The following SUCLG2 variants were observed in gnomAD, a reference collection of about 807,000 sequenced individuals.
SUCLG2 encodes succinate--CoA ligase [GDP-forming] subunit beta, mitochondrial.
In SUCLG2, 42 loss-of-function variants were observed where a neutral mutation model predicts 47.9. That is an observed-to-expected ratio of 0.88 (90% CI 0.69 to 1.14). The LOEUF (loss-of-function observed/expected upper bound fraction) is 1.14. SUCLG2 is among the 50% of genes most tolerant of loss of function. The pLI is 0.00. For missense variants in SUCLG2, 571 were observed against 525.9 expected, an observed-to-expected ratio of 1.09 and a Z score of -0.84; for synonymous variants, 195 against 197.3, an observed-to-expected ratio of 0.99 and a Z score of 0.10.
chr3:67,399,690 A>G (rs1321398181), intron 10 of SUCLG2, among the ~76,000 whole-genome samples: 1 of 152,240 alleles, frequency 6.6e-6, no homozygotes, highest in Non-Finnish European at 1.5e-5. Flanking sequence ...TTTCTGGATC[A>G]TCAGTGAATG....
At chr3:67,420,926 T>C (rs1190500608) in intron 9 of SUCLG2, among the ~76,000 whole-genome samples, 1 of 152,196 alleles carries the variant, frequency 6.6e-6, no homozygotes, top group Non-Finnish European at 1.5e-5. Flanking sequence ...CAGGCACATA[T>C]GGGTTTTTCA....
At chr3:67,576,373 G>A (rs1707741967) in intron 2 of SUCLG2, among the ~76,000 whole-genome samples, 1 of 151,980 alleles carries the variant, frequency 6.6e-6, no homozygotes, top group African/African-American at 2.4e-5. Flanking sequence ...ATTTCATGTG[G>A]GCCAGTAAAC....
chr3:67,546,763 T>C (rs893496881), intron 2 of SUCLG2, among the ~76,000 whole-genome samples: 11 of 149,894 alleles, frequency 7.3e-5, no homozygotes, highest in Admixed American at 5.3e-4. Context: ...TAGCTGAGCA[T>C]GGTGGCAGGT....
chr3:67,591,606 C>CAA (rs1386798339), intron 2 of SUCLG2, among the ~76,000 whole-genome samples: 1 of 152,104 alleles, frequency 6.6e-6, no homozygotes. Flanking sequence ...TCTCTTGCTG[C>CAA]CACCATGTAA....
At chr3:67,504,756 G>A (rs1705592625) in intron 7 of SUCLG2, among the ~76,000 whole-genome samples, 1 of 152,186 alleles carries the variant, frequency 6.6e-6, no homozygotes, top group Non-Finnish European at 1.5e-5. Context: ...AGAAAAAGGA[G>A]TCTGTGTACA....
intron 9 of SUCLG2, among the ~76,000 whole-genome samples, chr3:67,406,036 T>A (rs1702798303): frequency 1.3e-5 from 2 of 152,252 alleles, no homozygotes; most frequent in South Asian, 4.1e-4. Context: ...TGGCTTAGTC[T>A]CTTTGTGTTC....
intron 10 of SUCLG2, among the ~76,000 whole-genome samples, chr3:67,395,021 A>G (rs920669272): frequency 1.3e-4 from 20 of 152,192 alleles, no homozygotes; most frequent in African/African-American, 2.7e-4. Context: ...TCCTGAAGGA[A>G]GCACTAAACA....
At chr3:67,424,740 C>A (rs1340840690) in intron 9 of SUCLG2, among the ~76,000 whole-genome samples, 1 of 152,148 alleles carries the variant, frequency 6.6e-6, no homozygotes, top group African/African-American at 2.4e-5. Flanking sequence ...CACCACCATT[C>A]TCACTACTGC....
chr3:67,418,609 G>C (rs889538612), intron 9 of SUCLG2, among the ~76,000 whole-genome samples: 2 of 152,154 alleles, frequency 1.3e-5, no homozygotes, highest in African/African-American at 4.8e-5. Flanking sequence ...AATATAGTTA[G>C]TGCCAAAAGC....
At chr3:67,424,926 T>A (rs1703259978) in intron 9 of SUCLG2, among the ~76,000 whole-genome samples, 1 of 152,090 alleles carries the variant, frequency 6.6e-6, no homozygotes, top group Non-Finnish European at 1.5e-5. Flanking sequence ...TGCTCAATCA[T>A]CCAGCCTAAA....
At chr3:67,640,154 GA>G (rs1467291638) in intron 1 of SUCLG2, among the ~76,000 whole-genome samples, 1 of 152,188 alleles carries the variant, frequency 6.6e-6, no homozygotes, top group African/African-American at 2.4e-5. Context: ...AGGTTCCAAA[GA>G]CAGTAACAAT....
At chr3:67,403,405 C>T (rs1479643825) in intron 9 of SUCLG2, among the ~76,000 whole-genome samples, 2 of 152,220 alleles carry the variant, frequency 1.3e-5, no homozygotes, top group African/African-American at 4.8e-5. Flanking sequence ...GGCATAATCA[C>T]GTAAAAATAA....
chr3:67,517,041 T>G lies in SUCLG2; in HGVS notation c.660+1206A>C, dbSNP rs558351334. Among the ~76,000 whole-genome samples, 6 of 152,320 alleles carry G rather than the reference T, an allele frequency of 3.9e-5. No homozygotes were observed. The South Asian group carries it at 1.0e-3, about 26-fold the overall frequency. ...GATCACTTTCCTGGCATCTCTTTGC[T>G]AGTCTCAGAAATGGCAATTAGTTCC... On this transcript the variant is annotated intron_variant, in intron 6 of 10. Transcript: ENST00000307227.
rs567855261 is a variant in SUCLG2, at chr3:67,362,375, T to C, written c.1184-1607A>G. Among the ~76,000 whole-genome samples, 12 of 152,348 alleles carry C rather than the reference T, an allele frequency of 7.9e-5. No homozygotes were observed. The South Asian group carries it at 1.7e-3, about 21-fold the overall frequency. ...TATTCATCAGTTCTTAGCTCAAAAG[T>C]AGCTTCCTTAGGCAAGCTTTTCCTT... On this transcript the variant is annotated intron_variant, in intron 10 of 10. Transcript: ENST00000493112.
At chr3:67,402,000 G>C (rs892569927) in intron 9 of SUCLG2, among the ~76,000 whole-genome samples, 1 of 152,190 alleles carries the variant, frequency 6.6e-6, no homozygotes, top group Admixed American at 6.5e-5. Context: ...AAGCCATCGG[G>C]CGCATTGGGG....
intron 9 of SUCLG2, among the ~76,000 whole-genome samples, chr3:67,420,285 A>G (rs1252819678): frequency 6.6e-6 from 1 of 152,248 alleles, no homozygotes; most frequent in Admixed American, 6.5e-5. Flanking sequence ...TGACTTTACT[A>G]AAATGTACTG....
At chr3:67,511,856 T>C (rs566471151) in intron 6 of SUCLG2, among the ~76,000 whole-genome samples, 3 of 144,044 alleles carry the variant, frequency 2.1e-5, no homozygotes, top group African/African-American at 8.6e-5. Flanking sequence ...TGTGGGGGGG[T>C]GTGTGTGTGT....
chr3:67,528,368 G>A (rs751274483), intron 3 of SUCLG2, 146 bp from the exon 4 acceptor site: 13 of 710,698 alleles, frequency 1.8e-5, no homozygotes, highest in Middle Eastern at 2.4e-4. Context: ...TATGTGCTGC[G>A]TGTTTAGCAC....
At chr3:67,472,142 T>C (rs913156512) in intron 9 of SUCLG2, among the ~76,000 whole-genome samples, 6 of 152,182 alleles carry the variant, frequency 3.9e-5, no homozygotes, top group Non-Finnish European at 7.4e-5. Context: ...ATGAGTCCAA[T>C]AGGAACAAGC....
Sources: allele counts gnomAD v4.1 joint callset (sites outside exome capture counted in the v4.1 genomes callset), GRCh38; gene constraint gnomAD v4.1.1; transcripts MANE v1.5; gene names NCBI Gene and HGNC (gene_info 2026-07-23, HGNC 2026-07-21).